CTNNA3: variants seen among roughly 807,000 people sequenced by gnomAD.
The protein encoded by CTNNA3 is catenin alpha 3.
Under a neutral mutation model 95.7 loss-of-function variants are expected in CTNNA3, and 76 were observed. That is an observed-to-expected ratio of 0.79 (90% CI 0.66 to 0.96). CTNNA3 has a LOEUF of 0.96. CTNNA3 is among the 40% of genes least tolerant of loss of function. CTNNA3 has a pLI of 0.00. For missense variants in CTNNA3, 1,191 were observed against 1,089.8 expected, an observed-to-expected ratio of 1.09 and a Z score of -1.31; for synonymous variants, 431 against 374.4, an observed-to-expected ratio of 1.15 and a Z score of -1.74.
At chr10:67,173,939 C>T (rs1352376845) in intron 7 of CTNNA3, among the ~76,000 whole-genome samples, 1 of 152,156 alleles carries the variant, frequency 6.6e-6, no homozygotes, top group Non-Finnish European at 1.5e-5. Flanking sequence ...TGCTGGAAGG[C>T]AAATGACAAA....
Position 66,089,766 on chromosome 10 carries a change from A to G in CTNNA3, c.1977+13391T>C, listed in dbSNP as rs533968728. The stretch of plus-strand genomic sequence containing the variant: ...GAACCAGTATCTCAGAGAAATATAT[A>G]TATATATATTACTAAATGTCATACT... On this transcript the variant is annotated intron_variant, in intron 14 of 17. Transcript: ENST00000433211. Among the ~76,000 whole-genome samples, 44 of 151,394 alleles carry G rather than the reference A, an allele frequency of 2.9e-4. 1 individual carries two copies. The highest frequency in any genetic ancestry group is 1.1e-3 in the African/African-American group (44 of 41,422).
At position 67,635,429 on chromosome 10, in the gene CTNNA3, T is replaced by G. The variant is rs113486912; in HGVS notation, c.99+11986A>C. ...GATACAAAAATCTTCAATAATATAC[T>G]GGCAAACTGAATCGAAGAGAACATC... On this transcript the variant is annotated intron_variant, in intron 2 of 17. Coordinates refer to ENST00000433211, the MANE Select transcript of CTNNA3 (RefSeq NM_013266.4). Among the ~76,000 whole-genome samples, 371 of 152,276 alleles carry G rather than the reference T, an allele frequency of 2.4e-3. 2 individuals are homozygous for G. Among genetic ancestry groups the G allele is most frequent in the African/African-American group, 8.6e-3 (358 of 41,552 alleles).
In CTNNA3 at chr10:66,615,687, C is replaced by T. The variant is rs1041404503; in HGVS notation, c.1374+6005G>A. Among the ~76,000 whole-genome samples, 53 of 151,712 alleles carry T rather than the reference C, an allele frequency of 3.5e-4. 1 individual carries two copies. Among genetic ancestry groups the T allele is most frequent in the Admixed American group, 8.6e-4 (13 of 15,202 alleles). On this transcript the variant is annotated intron_variant, in intron 10 of 17. Transcript: ENST00000433211. ...AGAATGAAAAGTTGAATAAATTTCA[C>T]TATATGAAAAAAAGCTAACTACACT...
At chr10:66,130,368 G>A (rs1225315325) in intron 13 of CTNNA3, among the ~76,000 whole-genome samples, 1 of 149,934 alleles carries the variant, frequency 6.7e-6, no homozygotes, top group African/African-American at 2.4e-5. Flanking sequence ...TAAAGTGAGA[G>A]CTGAACTGAA....
At chr10:67,364,095 A>C (rs1254430406) in intron 5 of CTNNA3, among the ~76,000 whole-genome samples, 1 of 152,190 alleles carries the variant, frequency 6.6e-6, no homozygotes, top group African/African-American at 2.4e-5. Flanking sequence ...TGACAAACCC[A>C]ATCCAGCAGC....
intron 7 of CTNNA3, among the ~76,000 whole-genome samples, chr10:66,887,725 C>T (rs1845098397): frequency 6.6e-6 from 1 of 152,152 alleles, no homozygotes. Context: ...TGGGTTTAAT[C>T]TGACTTACTT....
intron 7 of CTNNA3, among the ~76,000 whole-genome samples, chr10:67,015,859 T>C (rs1852623777): frequency 6.6e-6 from 1 of 152,190 alleles, no homozygotes; most frequent in Non-Finnish European, 1.5e-5. Flanking sequence ...CATTTCATTT[T>C]GTCAGATTTT....
chr10:67,560,606 CATA>C lies in CTNNA3; in HGVS notation c.293-20940_293-20938del, dbSNP rs377339875. ...AACGAGGAAAATAGGCAGCTAACATCATAATGACAGGATCAAATTCACACATAA... is the reference window on the plus strand; with the variant it reads ...AACGAGGAAAATAGGCAGCTAACATCATGACAGGATCAAATTCACACATAA... On this transcript the variant is annotated intron_variant, in intron 3 of 17. Coordinates refer to ENST00000433211, the MANE Select transcript of CTNNA3 (RefSeq NM_013266.4). Among the ~76,000 whole-genome samples the C allele has an allele frequency of 3.9e-5, 6 of 152,312 alleles. No homozygotes were observed. The East Asian group carries it at 1.2e-3, about 29-fold the overall frequency.
At chr10:66,225,226 T>C (rs1304649988) in intron 13 of CTNNA3, among the ~76,000 whole-genome samples, 1 of 151,630 alleles carries the variant, frequency 6.6e-6, no homozygotes, top group Non-Finnish European at 1.5e-5. Context: ...CTTCTAATAA[T>C]CACAGTTTTC....
intron 6 of CTNNA3, among the ~76,000 whole-genome samples, chr10:67,202,337 G>T (rs1388229364): frequency 6.6e-6 from 1 of 152,048 alleles, no homozygotes; most frequent in African/African-American, 2.4e-5. Context: ...AAAGCCATAA[G>T]CGCTCACTCT....
intron 2 of CTNNA3, among the ~76,000 whole-genome samples, chr10:67,644,087 TAG>T (rs1839626684): frequency 1.3e-5 from 2 of 152,370 alleles, no homozygotes; most frequent in South Asian, 4.1e-4. Flanking sequence ...TTTCTGGTTC[TAG>T]ATCCTTGAGG....
chr10:67,344,381 T>G (rs1241037410), intron 5 of CTNNA3, among the ~76,000 whole-genome samples: 1 of 152,078 alleles, frequency 6.6e-6, no homozygotes, highest in Admixed American at 6.6e-5. Flanking sequence ...TTTGGAATTT[T>G]TCCCTCCTCC....
chr10:66,866,685 T>A (rs943374226), intron 7 of CTNNA3, among the ~76,000 whole-genome samples: 1 of 152,324 alleles, frequency 6.6e-6, no homozygotes, highest in Non-Finnish European at 1.5e-5. Flanking sequence ...CGAGGTATTA[T>A]AAATTTTCTG....
intron 5 of CTNNA3, among the ~76,000 whole-genome samples, chr10:67,230,101 G>A (rs1308064119): frequency 6.6e-6 from 1 of 152,128 alleles, no homozygotes; most frequent in Non-Finnish European, 1.5e-5. Flanking sequence ...TGAAAACAGA[G>A]TGGTACTGGT....
intron 5 of CTNNA3, among the ~76,000 whole-genome samples, chr10:67,335,507 T>G (rs1450596515): frequency 6.6e-6 from 1 of 152,188 alleles, no homozygotes. Context: ...TTGCAAACAT[T>G]TATTCCTTGA....
intron 12 of CTNNA3, among the ~76,000 whole-genome samples, chr10:66,314,827 G>A (rs1329629215): frequency 6.6e-6 from 1 of 151,912 alleles, no homozygotes; most frequent in African/African-American, 2.4e-5. Context: ...AAAGTCAGAA[G>A]AATAAAAAAC....
At chr10:67,699,622 T>TA (rs1166090928), upstream of CTNNA3, among the ~76,000 whole-genome samples, 1 of 152,070 alleles carries the variant, frequency 6.6e-6, no homozygotes, top group Non-Finnish European at 1.5e-5. Flanking sequence ...TAAGAAGCAG[T>TA]TAAGAAAAGA....
intron 10 of CTNNA3, among the ~76,000 whole-genome samples, chr10:66,569,786 A>G (rs908586678): frequency 2.0e-5 from 3 of 152,288 alleles, no homozygotes; most frequent in Admixed American, 2.0e-4. Flanking sequence ...GATATCTGAA[A>G]GTACCTCAGT....
At chr10:66,513,254 C>A (rs1311782732) in intron 11 of CTNNA3, among the ~76,000 whole-genome samples, 1 of 152,084 alleles carries the variant, frequency 6.6e-6, no homozygotes, top group Non-Finnish European at 1.5e-5. Context: ...TCTTCAAGAT[C>A]ACAAATTATT....
Sources: gnomAD v4.1 joint callset for allele counts (sites outside exome capture counted in the v4.1 genomes callset) on GRCh38, gnomAD v4.1.1 for gene constraint, MANE v1.5 for transcripts, NCBI Gene and HGNC (gene_info 2026-07-23, HGNC 2026-07-21) for gene names.